Variants in RPS6KA1 observed in about 807,000 individuals in gnomAD.
RPS6KA1 encodes the protein ribosomal protein S6 kinase alpha-1.
A neutral mutation model predicts 91.3 loss-of-function variants in RPS6KA1; 48 were observed. The ratio of observed to expected loss-of-function variants is 0.53; its 90% confidence interval spans 0.42 to 0.67. The LOEUF is 0.67. Among genes scored for constraint, RPS6KA1 ranks in the 30% least tolerant of loss-of-function variants. The pLI is 0.00. For synonymous variants in RPS6KA1, 359 were observed against 384.7 expected (o/e 0.93, Z 0.78); for missense variants, 719 against 960.5 (o/e 0.75, Z 3.32).
chr1:26,553,549 A>G, intron 7 of RPS6KA1, 52 bp downstream of exon 7: 5 of 1,187,792 alleles, frequency 4.2e-6, no homozygotes, highest in Non-Finnish European at 6.2e-6. Context: ...GGCCTCTTCT[A>G]GGACAGGGCC....
chr1:26,571,253 C>T lies in RPS6KA1; in HGVS notation c.1591-196C>T. On this transcript the variant is annotated intron_variant, in intron 17 of 21. Transcript: ENST00000374168. This position sits in a 1 kb window ranked among gnomAD's most constrained non-coding sequence, Gnocchi z 5.1. ...GTTTTGACAGGTTAACTTAGAGCTACCTGTAGACACCTACACAGAGTCAGT... is the reference window on the plus strand; with the variant it reads ...GTTTTGACAGGTTAACTTAGAGCTATCTGTAGACACCTACACAGAGTCAGT... The T allele has an allele frequency of 1.7e-6, 1 of 588,910 alleles. No homozygotes were observed. Among genetic ancestry groups the T allele is most frequent in the South Asian group, 2.1e-5 (1 of 47,690 alleles). 36.5% of individuals were successfully genotyped at this position (588,910 alleles called of 1,614,324 possible).
chr1:26,547,401 A>C lies in RPS6KA1; in HGVS notation c.307+131A>C. 1.4e-6 allele frequency: 1 copy of C among 707,092 alleles called. No individual in the cohort carries two copies. The allele number at this position is 707,092 out of a possible 1,614,324, so 43.8% of individuals were successfully genotyped here. A position where few individuals can be genotyped will look rare whatever the true frequency, so the allele number is the denominator to read the frequency against. The stretch of plus-strand genomic sequence containing the variant: ...GCACCTAGTTCAAAGGTGGAGAAAC[A>C]GGCCTATTTCTCAGCTATCCCTCGC... On this transcript the variant is annotated intron_variant, in intron 4 of 21. Coordinates refer to ENST00000374168, the MANE Select transcript of RPS6KA1 (RefSeq NM_002953.4). The surrounding 1 kb of genome is among the most constrained non-coding windows in gnomAD (Gnocchi z 4.1).
chr1:26,539,534 G>T (rs1264800711), intron 2 of RPS6KA1, among the ~76,000 whole-genome samples: 1 of 152,226 alleles, frequency 6.6e-6, no homozygotes, highest in Non-Finnish European at 1.5e-5. Context: ...CCTGAAAAAT[G>T]AAAGGAGAAT....
rs1401967298 is a variant in RPS6KA1 at position 26,555,456 on chromosome 1, A to T, written c.828-81A>T. 5 of 1,367,112 alleles carry T rather than the reference A, an allele frequency of 3.7e-6. No homozygotes were observed. The highest frequency in any genetic ancestry group is 1.4e-5 in the African/African-American group (1 of 69,312). The allele number at this position is 1,367,112 out of a possible 1,614,324, so 84.7% of individuals were successfully genotyped here. A position where few individuals can be genotyped will look rare whatever the true frequency, so the allele number is the denominator to read the frequency against. ...GATGGCTTGTCTAGACTGAGCTGGG[A>T]ACTAGATCTGGACAGGGGCCGGGGG... On this transcript the variant is annotated intron_variant, in intron 10 of 21. Coordinates refer to ENST00000374168, the MANE Select transcript of RPS6KA1 (RefSeq NM_002953.4). The surrounding 1 kb of genome is among the most constrained non-coding windows in gnomAD (Gnocchi z 4.3).
chr1:26,547,295 A>G lies in RPS6KA1; in HGVS notation c.307+25A>G. The stretch of plus-strand genomic sequence containing the variant: ...GGTGAGTGGGGACACCTCCCTGTGC[A>G]GAACCCAGGCTTGGCTGAGGGAGGC... On this transcript the variant is annotated intron_variant, in intron 4 of 21. Coordinates refer to ENST00000374168, the MANE Select transcript of RPS6KA1 (RefSeq NM_002953.4). The surrounding 1 kb of genome is among the most constrained non-coding windows in gnomAD (Gnocchi z 4.1). The G allele has an allele frequency of 4.4e-6, 7 of 1,605,644 alleles. No homozygotes were observed. Among genetic ancestry groups the G allele is most frequent in the African/African-American group, 2.7e-5 (2 of 74,874 alleles).
chr1:26,539,904 G>A (rs1397499504), intron 2 of RPS6KA1, among the ~76,000 whole-genome samples: 2 of 152,330 alleles, frequency 1.3e-5, no homozygotes, highest in East Asian at 3.9e-4. Flanking sequence ...TTTGAGAGCT[G>A]AGCGTCTCCC....
intron 6 of RPS6KA1, chr1:26,552,876 C>CT: frequency 2.4e-6 from 1 of 408,598 alleles, no homozygotes; most frequent in Non-Finnish European, 4.8e-6. Flanking sequence ...CCACCCCAGC[C>CT]CCCTCTATTC....
At chr1:26,531,952 T>TC (rs1418844767) in intron 1 of RPS6KA1, among the ~76,000 whole-genome samples, 1 of 152,102 alleles carries the variant, frequency 6.6e-6, no homozygotes, top group Non-Finnish European at 1.5e-5. Flanking sequence ...GCCTCGCTGT[T>TC]CTTAGCCCAG....
chr1:26,534,385 G>A (rs1211884877), intron 1 of RPS6KA1, among the ~76,000 whole-genome samples: 1 of 152,150 alleles, frequency 6.6e-6, no homozygotes, highest in Non-Finnish European at 1.5e-5. Context: ...AGGTTATGGG[G>A]GTAGAGAGGA....
At chr1:26,541,331 G>C (rs559469602) in intron 2 of RPS6KA1, among the ~76,000 whole-genome samples, 6 of 151,150 alleles carry the variant, frequency 4.0e-5, no homozygotes, top group Non-Finnish European at 8.8e-5. Context: ...GAGGCGGGCA[G>C]ATCGCCTGAG....
chr1:26,535,840 C>T (rs565085116), intron 1 of RPS6KA1, among the ~76,000 whole-genome samples: 1 of 152,172 alleles, frequency 6.6e-6, no homozygotes, highest in East Asian at 1.9e-4. Flanking sequence ...CCTCCCAGGG[C>T]TGTCATGAGG....
Position 26,547,107 on chromosome 1 carries a change from C to T in RPS6KA1, c.226-82C>T. 2 of 1,561,548 alleles carry T rather than the reference C, an allele frequency of 1.3e-6. No individual in the cohort carries two copies. Among genetic ancestry groups the T allele is most frequent in the South Asian group, 1.1e-5 (1 of 89,870 alleles). ...TACCCAGGGAGAGCAAAAAGGTCAGCTTGGGGCTCAGAGAAGATAGAGGTC... is the reference window on the plus strand; with the variant it reads ...TACCCAGGGAGAGCAAAAAGGTCAGTTTGGGGCTCAGAGAAGATAGAGGTC... On this transcript the variant is annotated intron_variant, in intron 3 of 21. Coordinates refer to ENST00000374168, the MANE Select transcript of RPS6KA1 (RefSeq NM_002953.4). The surrounding 1 kb of genome is among the most constrained non-coding windows in gnomAD (Gnocchi z 4.1).
In RPS6KA1 at chr1:26,574,515, C is replaced by T. The variant is rs955362119; in HGVS notation, c.*314C>T. The T allele has an allele frequency of 9.9e-6, 5 of 505,586 alleles. No individual in the cohort carries two copies. Among genetic ancestry groups the T allele is most frequent in the African/African-American group, 5.8e-5 (3 of 51,614 alleles). 31.3% of individuals were successfully genotyped at this position (505,586 alleles called of 1,614,324 possible). A position where few individuals can be genotyped will look rare whatever the true frequency, so the allele number is the denominator to read the frequency against. ...TTTCTGGGAGCAGAAACAGCCATTG[C>T]GGCCCCAGGAGGGGAACTGAGTCAC... On this transcript the variant is annotated 3_prime_UTR_variant, in exon 22 of 22. Transcript: ENST00000374168. The surrounding 1 kb of genome is among the most constrained non-coding windows in gnomAD (Gnocchi z 4.3).
intron 1 of RPS6KA1, chr1:26,530,629 G>C (rs566436694): frequency 1.9e-5 from 11 of 575,776 alleles, no homozygotes; most frequent in African/African-American, 3.9e-5. Flanking sequence ...GGCGTGGGGG[G>C]ACCTTGGTGC....
chr1:26,549,113 T>C (rs1010358620), intron 4 of RPS6KA1, among the ~76,000 whole-genome samples: 1 of 150,254 alleles, frequency 6.7e-6, no homozygotes, highest in Non-Finnish European at 1.5e-5. Flanking sequence ...ATAGAATTCA[T>C]ACTAGATGGA....
intron 1 of RPS6KA1, among the ~76,000 whole-genome samples, chr1:26,531,650 T>C (rs533730642): frequency 1.1e-4 from 17 of 152,264 alleles, no homozygotes; most frequent in African/African-American, 4.1e-4. Context: ...CCAGCGGACT[T>C]CCTGGGATTG....
Position 26,529,912 on chromosome 1 carries a change from G to A in RPS6KA1, c.-9G>A, listed in dbSNP as rs1186837736. On this transcript the variant is annotated 5_prime_UTR_variant, in exon 1 of 22. Coordinates refer to ENST00000374168, the MANE Select transcript of RPS6KA1 (RefSeq NM_002953.4). The surrounding 1 kb of genome is among the most constrained non-coding windows in gnomAD (Gnocchi z 4.2). ...GCCGGAGGAGCGCGGGTGACCTGGC[G>A]GCGGCGAGATGCCGCTCGCCCAGCT... 7.0e-6 allele frequency: 10 copies of A among 1,425,008 alleles called. No homozygotes were observed. The highest frequency in any genetic ancestry group is 9.2e-6 in the Non-Finnish European group (10 of 1,088,648). 88.3% of individuals were successfully genotyped at this position (1,425,008 alleles called of 1,614,324 possible). A position where few individuals can be genotyped will look rare whatever the true frequency, so the allele number is the denominator to read the frequency against.
intron 4 of RPS6KA1, among the ~76,000 whole-genome samples, chr1:26,548,949 G>A (rs2076021258): frequency 2.0e-5 from 3 of 151,832 alleles, no homozygotes; most frequent in Non-Finnish European, 2.9e-5. Flanking sequence ...CATAGAAGGT[G>A]TGTTGGAAGG....
Position 26,571,340 on chromosome 1 carries a change from C to T in RPS6KA1, c.1591-109C>T, listed in dbSNP as rs767288202. 2 of 1,011,878 alleles carry T rather than the reference C, an allele frequency of 2.0e-6. No homozygotes were observed. The highest frequency in any genetic ancestry group is 3.0e-5 in the South Asian group (2 of 65,604). The allele number at this position is 1,011,878 out of a possible 1,614,324, so 62.7% of individuals were successfully genotyped here. A position where few individuals can be genotyped will look rare whatever the true frequency, so the allele number is the denominator to read the frequency against. ...CCTTCTCTCGGATGCCAAGTCCATG[C>T]ACCCGTCCCTCTGCACCCTGTCTGT... On this transcript the variant is annotated intron_variant, in intron 17 of 21. Coordinates refer to ENST00000374168, the MANE Select transcript of RPS6KA1 (RefSeq NM_002953.4). This position sits in a 1 kb window ranked among gnomAD's most constrained non-coding sequence, Gnocchi z 5.1.
Sources: allele counts gnomAD v4.1 joint callset (sites outside exome capture counted in the v4.1 genomes callset), GRCh38; gene constraint gnomAD v4.1.1; non-coding constraint Gnocchi (gnomAD v3.1); transcripts MANE v1.5; gene names NCBI Gene and HGNC (gene_info 2026-07-23, HGNC 2026-07-21).